The following XPO4 variants were observed in gnomAD, a reference collection of about 807,000 sequenced individuals.
XPO4 encodes exportin-4.
Under a neutral mutation model 143.0 loss-of-function variants are expected in XPO4, and 39 were observed. The ratio of observed to expected loss-of-function variants is 0.27; its 90% CI spans 0.21 to 0.36. The LOEUF is 0.36. Ranked by LOEUF, XPO4 falls within the 10% of genes least tolerant of loss-of-function variation. The pLI is 1.00. For missense variants in XPO4, 907 were observed against 1,348.0 expected, an observed-to-expected ratio of 0.67 and a Z score of 5.12; for synonymous variants, 439 against 474.0, an observed-to-expected ratio of 0.93 and a Z score of 0.96.
intron 13 of XPO4, among the ~76,000 whole-genome samples, chr13:20,804,334 G>A (rs1285120937): frequency 3.3e-5 from 4 of 119,550 alleles, no homozygotes; most frequent in Non-Finnish European, 7.8e-5. Context: ...GGAACTTCCT[G>A]CTCTGTCTAT....
chr13:20,856,395 T>G (rs745737880), intron 3 of XPO4: 2 of 983,690 alleles, frequency 2.0e-6, no homozygotes, highest in Admixed American at 1.2e-4. Flanking sequence ...CCATCCCAAG[T>G]GGAGGCATTT....
chr13:20,877,832 C>T (rs2060367463), intron 1 of XPO4, among the ~76,000 whole-genome samples: 1 of 152,158 alleles, frequency 6.6e-6, no homozygotes. Context: ...CTCAACCTCA[C>T]TAGTAACACA....
chr13:20,862,411 C>A (rs1421956096), intron 3 of XPO4, among the ~76,000 whole-genome samples: 2 of 152,206 alleles, frequency 1.3e-5, no homozygotes, highest in Non-Finnish European at 2.9e-5. Flanking sequence ...AAACTACCTA[C>A]AATCACGTGT....
chr13:20,861,297 C>CT (rs68037393), intron 3 of XPO4, among the ~76,000 whole-genome samples: 69,344 of 134,568 alleles, frequency 0.52, 19,001 homozygotes, highest in Non-Finnish European at 0.61. Flanking sequence ...TAGTTTTCCT[C>CT]TTTTTTTTTT....
chr13:20,840,498 G>A (rs768247206), intron 6 of XPO4, among the ~76,000 whole-genome samples: 2 of 151,988 alleles, frequency 1.3e-5, no homozygotes, highest in Non-Finnish European at 1.5e-5. Flanking sequence ...GTGAGCCACC[G>A]CACCCAGCAG....
At chr13:20,876,793 T>C (rs946682623) in intron 1 of XPO4, among the ~76,000 whole-genome samples, 2 of 152,090 alleles carry the variant, frequency 1.3e-5, no homozygotes, top group Non-Finnish European at 2.9e-5. Context: ...TCAGGGTGAG[T>C]GTTCCAGCTC....
chr13:20,843,271 A>G (rs550487003), intron 5 of XPO4, among the ~76,000 whole-genome samples: 6 of 152,232 alleles, frequency 3.9e-5, no homozygotes, highest in Non-Finnish European at 8.8e-5. Context: ...TGCTACTTCC[A>G]TAGAGAAGAG....
intron 6 of XPO4, among the ~76,000 whole-genome samples, chr13:20,840,769 C>A (rs1381297585): frequency 6.6e-6 from 1 of 152,168 alleles, no homozygotes; most frequent in Admixed American, 6.5e-5. Flanking sequence ...TAAAGCTAAT[C>A]CACTCAAAGA....
chr13:20,778,520 T>C lies in XPO4; in HGVS notation c.*5202A>G, dbSNP rs1273961761. 2.0e-5 allele frequency: 3 copies of C among 152,320 alleles called. No homozygotes were observed. Among genetic ancestry groups the C allele is most frequent in the South Asian group, 2.1e-4 (1 of 4,826 alleles). The allele number at this position is 152,320 out of a possible 1,614,324, so 9.4% of individuals were successfully genotyped here. A position where few individuals can be genotyped will look rare whatever the true frequency, so the allele number is the denominator to read the frequency against. On this transcript the variant is annotated 3_prime_UTR_variant, in exon 23 of 23. Transcript: ENST00000255305. ...TCCCTGAAAGGCCAAAAAGAATGAC[T>C]TGCTAAAAGTATTTACTAAATATGC...
At chr13:20,896,479 T>C (rs2060570652) in intron 1 of XPO4, among the ~76,000 whole-genome samples, 2 of 152,220 alleles carry the variant, frequency 1.3e-5, no homozygotes, top group South Asian at 4.1e-4. Context: ...CTATAATTTA[T>C]TTCTACAGTT....
At chr13:20,868,512 G>A (rs1595146524) in intron 2 of XPO4, 84 bp downstream of exon 2, 39 of 1,481,102 alleles carry the variant, frequency 2.6e-5, no homozygotes, top group Non-Finnish European at 3.0e-5. Flanking sequence ...TTTTAAAAAG[G>A]AATTTAAAAT....
chr13:20,808,546 T>C lies in XPO4; in HGVS notation c.1529A>G (p.Gln510Arg). 1 of 1,560,394 alleles carries C rather than the reference T, an allele frequency of 6.4e-7. No individual in the cohort carries two copies. Among genetic ancestry groups the C allele is most frequent in the Non-Finnish European group, 8.8e-7 (1 of 1,142,104 alleles). Residue 510 changes from glutamine (Q) to arginine (R), a missense_variant, in exon 12 of 23, where the codon CAG becomes CGG. Gln to Arg is a conservative substitution (Grantham distance 43). Transcript: ENST00000255305. ...TAACTGTTGCTGATGTCGTTGTAAC[T>C]GACCATGGAGTCTTGTTACTCTTTC... ...LEERVTRLHG[Q>R]LQRHQQQLLA... is the part of the protein sequence containing the mutation.
Position 20,859,039 on chromosome 13 carries a change from A to G in XPO4, c.318-3274T>C, listed in dbSNP as rs868039068. Among the ~76,000 whole-genome samples the G allele has an allele frequency of 4.6e-5, 7 of 151,928 alleles. 1 individual carries two copies. The highest frequency in any genetic ancestry group is 6.3e-3 in the Middle Eastern group (2 of 316). ...AAATTATCAAAATGATTTTAAAATG[A>G]GATTAATTTGGGCCAGGTACGGTGG... On this transcript the variant is annotated intron_variant, in intron 3 of 22. Coordinates refer to ENST00000255305, the MANE Select transcript of XPO4 (RefSeq NM_022459.5).
intron 17 of XPO4, 142 bp downstream of exon 17, chr13:20,796,622 C>A (rs1459062744): frequency 7.8e-6 from 6 of 773,478 alleles, no homozygotes; most frequent in African/African-American, 7.3e-5. Context: ...AAGTTCTTTT[C>A]AAAAATCTTT....
At chr13:20,813,052 C>A (rs1400736477) in intron 9 of XPO4, among the ~76,000 whole-genome samples, 1 of 152,138 alleles carries the variant, frequency 6.6e-6, no homozygotes, top group African/African-American at 2.4e-5. Flanking sequence ...AGGAAACTTA[C>A]AATCATGGTG....
At chr13:20,809,252 T>C (rs1566573956) in intron 10 of XPO4, 27 bp from the exon 11 acceptor site, 1 of 1,608,122 alleles carries the variant, frequency 6.2e-7, no homozygotes, top group South Asian at 1.1e-5. Context: ...AAATAAACAA[T>C]GAGGAACTGC....
chr13:20,848,889 T>C, intron 4 of XPO4: 1 of 985,402 alleles, frequency 1.0e-6, no homozygotes, highest in African/African-American at 1.7e-5. Context: ...AGTCTAATTG[T>C]CTTCTTTCAT....
intron 9 of XPO4, 114 bp downstream of exon 9, chr13:20,821,590 T>C: frequency 8.4e-7 from 1 of 1,184,068 alleles, no homozygotes; most frequent in Non-Finnish European, 1.1e-6. Flanking sequence ...AAACAGTCAC[T>C]TTAACAATAG....
At chr13:20,822,041 G>A (rs1343478311) in intron 8 of XPO4, 91 bp downstream of exon 8, 1 of 1,457,940 alleles carries the variant, frequency 6.9e-7, no homozygotes, top group Non-Finnish European at 9.2e-7. Flanking sequence ...AAAATATAAG[G>A]GGGAAAAAAT....
Sources: gnomAD v4.1 joint callset for allele counts (sites outside exome capture counted in the v4.1 genomes callset) on GRCh38, gnomAD v4.1.1 for gene constraint, MANE v1.5 for transcripts, NCBI Gene and HGNC (gene_info 2026-07-23, HGNC 2026-07-21) for gene names.